Variants in THSD7B observed in about 807,000 individuals in gnomAD.
The protein encoded by THSD7B is thrombospondin type-1 domain-containing protein 7B.
In THSD7B, 138 loss-of-function variants were observed where a neutral mutation model predicts 213.6. That is an observed-to-expected ratio of 0.65 (90% CI 0.56 to 0.74). The LOEUF (loss-of-function observed/expected upper bound fraction) is 0.74, where lower values mean the gene tolerates loss of function less well. THSD7B is among the 30% of genes least tolerant of loss of function. The pLI is 0.00. For synonymous variants in THSD7B, 742 were observed against 687.0 expected (o/e 1.08, Z -1.25); for missense variants, 1,931 against 1,991.5 (o/e 0.97, Z 0.58).
At chr2:137,057,792 A>T (rs1052596945) in intron 3 of THSD7B, among the ~76,000 whole-genome samples, 1 of 152,200 alleles carries the variant, frequency 6.6e-6, no homozygotes, top group Non-Finnish European at 1.5e-5. Context: ...TGATACAGGT[A>T]TTAACTTGCG....
chr2:137,244,646 A>G (rs1681985664), intron 10 of THSD7B, among the ~76,000 whole-genome samples: 1 of 152,214 alleles, frequency 6.6e-6, no homozygotes. Context: ...TGTAATGAAA[A>G]TAGTTCTAAG....
At chr2:137,097,838 G>T (rs1297530040) in intron 4 of THSD7B, among the ~76,000 whole-genome samples, 1 of 150,978 alleles carries the variant, frequency 6.6e-6, no homozygotes, top group East Asian at 1.9e-4. Context: ...GTAGGAAATA[G>T]GAGTATTGGA....
intron 15 of THSD7B, among the ~76,000 whole-genome samples, chr2:137,492,529 G>C (rs1679437260): frequency 6.6e-6 from 1 of 152,132 alleles, no homozygotes; most frequent in African/African-American, 2.4e-5. Flanking sequence ...ACTTTTCCTT[G>C]CCAAAGAAAC....
intron 9 of THSD7B, among the ~76,000 whole-genome samples, chr2:137,233,464 C>T (rs192856878): frequency 5.2e-4 from 79 of 152,224 alleles, no homozygotes; most frequent in African/African-American, 1.5e-3. Context: ...CACATAAAGA[C>T]GAGGTCAACA....
intron 10 of THSD7B, among the ~76,000 whole-genome samples, chr2:137,251,400 C>T (rs1007391726): frequency 6.6e-6 from 1 of 152,110 alleles, no homozygotes. Context: ...TGTCTATTAT[C>T]TGTAATGAAG....
At chr2:137,550,313 G>A (rs376713473) in intron 15 of THSD7B, among the ~76,000 whole-genome samples, 57 of 152,062 alleles carry the variant, frequency 3.7e-4, no homozygotes, top group African/African-American at 1.2e-3. Context: ...AATATCATGC[G>A]CTTTATAGGA....
chr2:136,825,718 A>ATTTTTTTTTTTTTTGTTTTT (rs759978910), intron 1 of THSD7B, among the ~76,000 whole-genome samples: 6 of 116,894 alleles, frequency 5.1e-5, no homozygotes, highest in South Asian at 3.1e-4. Context: ...TGCCTGGCTA[A>ATTTTTTTTTTTTTTGTTTTT]TTTTTTTTTT....
intron 22 of THSD7B, among the ~76,000 whole-genome samples, chr2:137,655,988 C>T (rs1049374837): frequency 6.6e-6 from 1 of 152,112 alleles, no homozygotes; most frequent in Admixed American, 6.5e-5. Flanking sequence ...AATTCCGTAT[C>T]CAACAGCACC....
At chr2:137,315,478 C>T (rs1030805087) in intron 12 of THSD7B, among the ~76,000 whole-genome samples, 1 of 152,148 alleles carries the variant, frequency 6.6e-6, no homozygotes, top group Non-Finnish European at 1.5e-5. Context: ...CTGCGTCGCT[C>T]ATGCTGGGAG....
At chr2:137,480,174 T>C (rs1688275426) in intron 15 of THSD7B, among the ~76,000 whole-genome samples, 1 of 152,210 alleles carries the variant, frequency 6.6e-6, no homozygotes, top group Admixed American at 6.5e-5. Context: ...TGTGATTATC[T>C]ACTCACTGTT....
chr2:137,348,672 G>A (rs938563609), intron 12 of THSD7B, among the ~76,000 whole-genome samples: 4 of 144,198 alleles, frequency 2.8e-5, no homozygotes, highest in Non-Finnish European at 6.1e-5. Flanking sequence ...GGGCTGTGTA[G>A]AACAGTTCTT....
chr2:137,406,841 A>G (rs1023086003), intron 13 of THSD7B, among the ~76,000 whole-genome samples: 4 of 152,234 alleles, frequency 2.6e-5, no homozygotes, highest in Non-Finnish European at 4.4e-5. Flanking sequence ...TTTGTGCCAC[A>G]TGATTTTATG....
intron 20 of THSD7B, among the ~76,000 whole-genome samples, chr2:137,625,196 A>G (rs1055188209): frequency 7.9e-5 from 12 of 151,968 alleles, no homozygotes; most frequent in Non-Finnish European, 1.5e-4. Flanking sequence ...GAAGCTGGAA[A>G]CCATCATGCT....
chr2:137,208,495 C>CT (rs1229347264), intron 7 of THSD7B, among the ~76,000 whole-genome samples: 1 of 151,974 alleles, frequency 6.6e-6, no homozygotes, highest in South Asian at 2.1e-4. Flanking sequence ...CCTGGGTGGG[C>CT]TTTTTTTACA....
chr2:136,789,032 C>T (rs956473859), intron 1 of THSD7B, among the ~76,000 whole-genome samples: 22 of 151,828 alleles, frequency 1.4e-4, no homozygotes, highest in African/African-American at 4.4e-4. Context: ...TTAGGAGGTA[C>T]GTGTTTATTA....
intron 2 of THSD7B, among the ~76,000 whole-genome samples, chr2:136,985,056 C>A (rs1685647793): frequency 6.6e-6 from 1 of 152,098 alleles, no homozygotes; most frequent in African/African-American, 2.4e-5. Flanking sequence ...CATCTAACAA[C>A]CTACCATCAG....
intron 1 of THSD7B, among the ~76,000 whole-genome samples, chr2:136,840,010 C>T (rs1311070573): frequency 3.3e-5 from 5 of 152,052 alleles, no homozygotes; most frequent in African/African-American, 1.2e-4. Flanking sequence ...CCTTAAAACC[C>T]AGTTTAGTAA....
intron 2 of THSD7B, among the ~76,000 whole-genome samples, chr2:137,010,134 A>T (rs1686199441): frequency 6.6e-6 from 1 of 152,158 alleles, no homozygotes; most frequent in South Asian, 2.1e-4. Context: ...CACTGTGTAG[A>T]CATCTTCAAT....
intron 2 of THSD7B, among the ~76,000 whole-genome samples, chr2:136,907,085 C>T (rs1351554470): frequency 6.6e-6 from 1 of 151,532 alleles, no homozygotes; most frequent in Non-Finnish European, 1.5e-5. Flanking sequence ...GCTGGGATTA[C>T]AGGCACTCGC....
Sources: allele counts gnomAD v4.1 joint callset (sites outside exome capture counted in the v4.1 genomes callset), GRCh38; gene constraint gnomAD v4.1.1; transcripts MANE v1.5; gene names NCBI Gene and HGNC (gene_info 2026-07-23, HGNC 2026-07-21).